The following MAPK8 variants were observed in gnomAD, a reference collection of about 807,000 sequenced individuals.
MAPK8 encodes the protein mitogen-activated protein kinase 8, also known as JUN N-terminal kinase.
MAPK8 carries 13 observed loss-of-function variants against 52.9 expected under a neutral mutation model. The ratio of observed to expected loss-of-function variants is 0.25; its 90% CI spans 0.16 to 0.39. The LOEUF (loss-of-function observed/expected upper bound fraction) is 0.39. Among genes scored for constraint, MAPK8 ranks in the 10% least tolerant of loss-of-function variants. The pLI is 1.00. For synonymous variants in MAPK8, 191 were observed against 169.8 expected (o/e 1.12, Z -0.97); for missense variants, 300 against 519.2 (o/e 0.58, Z 4.10).
In MAPK8 at chr10:48,434,925, T is replaced by TCGTCTGTCA; in HGVS notation, c.1181_1189dup (p.Val396_Asn397insThrSerVal). On this transcript the variant is annotated inframe_insertion, in exon 12 of 12. Coordinates refer to ENST00000374189, the MANE Select transcript of MAPK8 (RefSeq NM_001323329.2). ...TGGCTCTCAGCATCCATCATCATCG[T>TCGTCTGTCA]CGTCTGTCAATGATGTGTCTTCAAT... is the stretch of plus-strand genomic sequence containing the variant. The TCGTCTGTCA allele has an allele frequency of 2.5e-6, 4 of 1,613,656 alleles. No individual in the cohort carries two copies. Among genetic ancestry groups the TCGTCTGTCA allele is most frequent in the Non-Finnish European group, 3.4e-6 (4 of 1,179,782 alleles).
chr10:48,385,681 A>T (rs1445686415), intron 1 of MAPK8, among the ~76,000 whole-genome samples: 1 of 152,132 alleles, frequency 6.6e-6, no homozygotes, highest in Non-Finnish European at 1.5e-5. Context: ...GAGATAGAGC[A>T]TAAAATTCAA....
At chr10:48,425,836 T>G (rs878984867) in intron 7 of MAPK8, 52 bp from the exon 8 acceptor site, 1 of 1,005,300 alleles carries the variant, frequency 9.9e-7, no homozygotes. Context: ...TGAATATGAC[T>G]AATGTATTGA....
At chr10:48,319,134 A>G (rs1033366343) in intron 1 of MAPK8, among the ~76,000 whole-genome samples, 1 of 152,214 alleles carries the variant, frequency 6.6e-6, no homozygotes, top group African/African-American at 2.4e-5. Flanking sequence ...AGTAGGTTAT[A>G]GAATTTTGGG....
chr10:48,380,615 G>A (rs2040942023), intron 1 of MAPK8, among the ~76,000 whole-genome samples: 1 of 151,802 alleles, frequency 6.6e-6, no homozygotes, highest in Non-Finnish European at 1.5e-5. Flanking sequence ...GCACCTGAAT[G>A]TGAGCTACTT....
At chr10:48,419,457 C>G (rs2043231260) in intron 5 of MAPK8, among the ~76,000 whole-genome samples, 1 of 152,146 alleles carries the variant, frequency 6.6e-6, no homozygotes, top group Non-Finnish European at 1.5e-5. Flanking sequence ...GGGCACAGCA[C>G]AGAATATGTT....
intron 1 of MAPK8, among the ~76,000 whole-genome samples, chr10:48,376,827 G>A (rs1321544376): frequency 6.6e-6 from 1 of 152,192 alleles, no homozygotes; most frequent in Non-Finnish European, 1.5e-5. Context: ...CAAGGATCTA[G>A]AGCTAGAAAT....
chr10:48,404,715 T>C, intron 2 of MAPK8, 137 bp from the exon 3 acceptor site: 1 of 614,312 alleles, frequency 1.6e-6, no homozygotes, highest in Non-Finnish European at 2.8e-6. Context: ...AAGACACATG[T>C]TGAGCGTCAT....
At chr10:48,382,130 C>T (rs1221230207) in intron 1 of MAPK8, among the ~76,000 whole-genome samples, 3 of 152,094 alleles carry the variant, frequency 2.0e-5, no homozygotes, top group Non-Finnish European at 4.4e-5. Context: ...TACATAAGCT[C>T]ACAGACAAGT....
chr10:48,367,968 T>C (rs551466002), intron 1 of MAPK8, among the ~76,000 whole-genome samples: 8 of 152,288 alleles, frequency 5.3e-5, no homozygotes, highest in East Asian at 3.9e-4. Context: ...AATTAACTTA[T>C]ATTACAATAC....
At chr10:48,432,215 T>G (rs1455705518) in intron 11 of MAPK8, among the ~76,000 whole-genome samples, 1 of 152,206 alleles carries the variant, frequency 6.6e-6, no homozygotes, top group African/African-American at 2.4e-5. Context: ...GCCATTTTAA[T>G]TCCTCAGAAA....
intron 1 of MAPK8, among the ~76,000 whole-genome samples, chr10:48,354,634 A>T (rs550842255): frequency 2.0e-5 from 3 of 152,292 alleles, no homozygotes; most frequent in Admixed American, 2.0e-4. Context: ...TTTCCAGATG[A>T]TAGTGATTTT....
chr10:48,313,647 G>A (rs1842207632), intron 1 of MAPK8, among the ~76,000 whole-genome samples: 1 of 152,230 alleles, frequency 6.6e-6, no homozygotes, highest in Admixed American at 6.5e-5. Context: ...AAGGATAGGT[G>A]TCATACATAT....
chr10:48,404,382 T>G (rs2042344901), intron 2 of MAPK8, among the ~76,000 whole-genome samples: 1 of 151,788 alleles, frequency 6.6e-6, no homozygotes, highest in Non-Finnish European at 1.5e-5. Flanking sequence ...GGTCTCGATC[T>G]CCTGACCTCA....
chr10:48,356,172 C>T (rs1564523777), intron 1 of MAPK8, among the ~76,000 whole-genome samples: 2 of 152,086 alleles, frequency 1.3e-5, no homozygotes, highest in Non-Finnish European at 2.9e-5. Context: ...TTTTATAAAA[C>T]AGTAATCATT....
chr10:48,309,276 A>T (rs1005927454), intron 1 of MAPK8, among the ~76,000 whole-genome samples: 1 of 152,228 alleles, frequency 6.6e-6, no homozygotes, highest in African/African-American at 2.4e-5. Context: ...GATCACCATC[A>T]CTAATTCCAG....
At position 48,427,160 on chromosome 10, in the gene MAPK8, CT is replaced by C; in HGVS notation, c.1060+19del. 1 of 1,595,390 alleles carries C rather than the reference CT, an allele frequency of 6.3e-7. No individual in the cohort carries two copies. The highest frequency in any genetic ancestry group is 8.6e-7 in the Non-Finnish European group (1 of 1,164,398). ...AGTGGAAAGGTACATTCGTCAGATTCTTAGAGGGAAAACTGTGAAGGAGCTT... is the reference window on the plus strand; with the variant it reads ...AGTGGAAAGGTACATTCGTCAGATTCTAGAGGGAAAACTGTGAAGGAGCTT... On this transcript the variant is annotated intron_variant, in intron 10 of 11. Coordinates refer to ENST00000374189, the MANE Select transcript of MAPK8 (RefSeq NM_001323329.2).
chr10:48,383,607 GAT>G (rs1221826164), intron 1 of MAPK8, among the ~76,000 whole-genome samples: 2 of 151,904 alleles, frequency 1.3e-5, no homozygotes, highest in Non-Finnish European at 2.9e-5. Flanking sequence ...TCAAACACAT[GAT>G]AAGATTTATC....
intron 1 of MAPK8, among the ~76,000 whole-genome samples, chr10:48,310,393 C>T (rs983516845): frequency 1.3e-5 from 2 of 151,880 alleles, no homozygotes; most frequent in Non-Finnish European, 2.9e-5. Context: ...TTTCAGAAGC[C>T]AAAAAAATTG....
intron 1 of MAPK8, chr10:48,308,018 G>A (rs1841576941): frequency 6.6e-6 from 1 of 152,206 alleles, no homozygotes; most frequent in South Asian, 2.1e-4. Flanking sequence ...GGAAGTTCAA[G>A]TGTAATAGGA....
Sources: gnomAD v4.1 joint callset for allele counts (sites outside exome capture counted in the v4.1 genomes callset) on GRCh38, gnomAD v4.1.1 for gene constraint, MANE v1.5 for transcripts, NCBI Gene and HGNC (gene_info 2026-07-23, HGNC 2026-07-21) for gene names.